Variants in TLL1 observed in about 807,000 individuals in gnomAD.
TLL1 encodes the protein tolloid like 1.
A neutral mutation model predicts 128.2 loss-of-function variants in TLL1; 49 were observed. The observed-to-expected ratio is 0.38, with a 90% CI of 0.30 to 0.48. The LOEUF is 0.48. Ranked by LOEUF, TLL1 falls within the 20% of genes least tolerant of loss-of-function variation. The pLI is 0.96. For missense variants in TLL1, 1,123 were observed against 1,242.0 expected (o/e 0.90, Z 1.44); for synonymous variants, 454 against 418.8 (o/e 1.08, Z -1.03).
chr4:165,959,776 A>T (rs1425514808), intron 1 of TLL1, among the ~76,000 whole-genome samples: 1 of 152,170 alleles, frequency 6.6e-6, no homozygotes, highest in Non-Finnish European at 1.5e-5. Context: ...AGAAATAAAA[A>T]AGTTATTTGA....
At chr4:165,929,613 T>C (rs975348386) in intron 1 of TLL1, among the ~76,000 whole-genome samples, 13 of 151,800 alleles carry the variant, frequency 8.6e-5, no homozygotes, top group African/African-American at 3.1e-4. Flanking sequence ...GAGAAGGGAG[T>C]TTAAGTGGAA....
At position 165,993,239 on chromosome 4, in the gene TLL1, G is replaced by T. The variant is rs192347545; in HGVS notation, c.361+355G>T. On this transcript the variant is annotated intron_variant, in intron 3 of 20. Coordinates refer to ENST00000061240, the MANE Select transcript of TLL1 (RefSeq NM_012464.5). ...AAAAAATATCATGGTTATTTGTTTT[G>T]AAATAAATCTACTTAAAGTAAAATG... Among the ~76,000 whole-genome samples the T allele has an allele frequency of 5.3e-5, 8 of 151,868 alleles. No homozygotes were observed. In the East Asian group the frequency reaches 1.5e-3, roughly 29 times the overall value.
chr4:165,986,351 G>A (rs558991899), intron 1 of TLL1, among the ~76,000 whole-genome samples: 7 of 151,992 alleles, frequency 4.6e-5, no homozygotes, highest in Admixed American at 3.3e-4. Context: ...GGCGAATTAC[G>A]GAAATCTTCA....
rs755225205 is a variant in TLL1 at position 166,099,399 on chromosome 4, T to C, written c.2779T>C (p.Ser927Pro). ...ATGGCTATTAGTATCAGAACGGGGC[T>C]CTCGACTTGAATTATCCTTCCAGAC... ...CEWLLVSERG[S>P]RLELSFQTFE... Residue 927 changes from serine (S) to proline (P), a missense_variant, in exon 20 of 21, where the codon TCT (serine) becomes CCT (proline). By Grantham distance (74) the Ser-to-Pro change is moderately conservative. Coordinates refer to ENST00000061240, the MANE Select transcript of TLL1 (RefSeq NM_012464.5). The C allele has an allele frequency of 1.2e-6, 2 of 1,613,578 alleles. No homozygotes were observed. Among genetic ancestry groups the C allele is most frequent in the South Asian group, 1.1e-5 (1 of 91,080 alleles).
At position 166,008,044 on chromosome 4, in the gene TLL1, T is replaced by C; in HGVS notation, c.913T>C (p.Ser305Pro). Residue 305 changes from serine (S) to proline (P), a missense_variant, in exon 7 of 21, where the codon TCA becomes CCA. Around this residue, in one of 3 missense-constraint regions of TLL1, gnomAD observed 480 missense variants for 542.4 expected, o/e 0.89. Coordinates refer to ENST00000061240, the MANE Select transcript of TLL1 (RefSeq NM_012464.5). ...SIMHYARNTF[S>P]RGMFLDTILP... ...CATGCACTATGCCAGGAACACCTTC[T>C]CAAGGTTGGAGTCTCAGGTTATACC... 1.2e-6 allele frequency: 2 copies of C among 1,608,088 alleles called. No homozygotes were observed. Among genetic ancestry groups the C allele is most frequent in the Non-Finnish European group, 1.7e-6 (2 of 1,175,450 alleles).
intron 1 of TLL1, among the ~76,000 whole-genome samples, chr4:165,939,462 G>A (rs1011379714): frequency 6.6e-6 from 1 of 152,046 alleles, no homozygotes; most frequent in Middle Eastern, 3.4e-3. Context: ...TTTATTCTAT[G>A]TAGCTTAATA....
chr4:166,070,705 G>T (rs928388150), intron 16 of TLL1, among the ~76,000 whole-genome samples: 1 of 151,902 alleles, frequency 6.6e-6, no homozygotes, highest in African/African-American at 2.4e-5. Flanking sequence ...ATTGCAATCT[G>T]TCTAGCTCTA....
At chr4:166,027,065 A>C (rs1293216952) in intron 9 of TLL1, among the ~76,000 whole-genome samples, 1 of 152,238 alleles carries the variant, frequency 6.6e-6, no homozygotes, top group Non-Finnish European at 1.5e-5. Flanking sequence ...GCCGTAAAAA[A>C]GAATGAACTC....
chr4:166,046,677 T>C (rs2111098999), intron 12 of TLL1, among the ~76,000 whole-genome samples: 1 of 152,322 alleles, frequency 6.6e-6, no homozygotes, highest in South Asian at 2.1e-4. Context: ...TGTCAGATTA[T>C]CTTCGTTCAG....
At chr4:165,956,401 C>T (rs955280285) in intron 1 of TLL1, among the ~76,000 whole-genome samples, 5 of 152,048 alleles carry the variant, frequency 3.3e-5, no homozygotes, top group Middle Eastern at 3.4e-3. Flanking sequence ...CCAGAGCGGC[C>T]GTTTATAGAC....
chr4:166,050,061 A>G (rs1739638742), intron 12 of TLL1, among the ~76,000 whole-genome samples: 1 of 152,208 alleles, frequency 6.6e-6, no homozygotes, highest in Admixed American at 6.6e-5. Flanking sequence ...CAAAATATAC[A>G]TAACATAAAA....
intron 1 of TLL1, among the ~76,000 whole-genome samples, chr4:165,972,217 G>A (rs894580464): frequency 6.6e-6 from 1 of 152,126 alleles, no homozygotes; most frequent in Non-Finnish European, 1.5e-5. Flanking sequence ...CCTGGGACAA[G>A]ACTCAATCTA....
chr4:165,995,210 G>GAA, intron 5 of TLL1, 32 bp downstream of exon 5: 5 of 1,361,682 alleles, frequency 3.7e-6, no homozygotes, highest in South Asian at 1.2e-5. Context: ...CTGACTTAAG[G>GAA]AAAAAAAAAA....
At chr4:165,905,143 A>G (rs1305635684) in intron 1 of TLL1, among the ~76,000 whole-genome samples, 1 of 152,210 alleles carries the variant, frequency 6.6e-6, no homozygotes, top group Non-Finnish European at 1.5e-5. Context: ...TTGGAAGACT[A>G]TTTGGCAATT....
At chr4:166,035,499 C>T (rs1171176055) in intron 9 of TLL1, among the ~76,000 whole-genome samples, 1 of 152,090 alleles carries the variant, frequency 6.6e-6, no homozygotes, top group Non-Finnish European at 1.5e-5. Flanking sequence ...GGTGACCTCC[C>T]GTTTACAGCA....
chr4:166,008,484 G>C lies in TLL1; in HGVS notation c.917+436G>C, dbSNP rs143837025. 4.7e-3 allele frequency among the ~76,000 whole-genome samples: 711 copies of C among 151,454 alleles called. 5 individuals are homozygous for C. The highest frequency in any genetic ancestry group is 0.016 in the African/African-American group (654 of 41,412). Reference sequence around the variant, plus strand: ...CTAGGCGACTTGTGCTTTATACTGTGTATTTTCTACTGCTCAAGTACAACT... The same window carrying C: ...CTAGGCGACTTGTGCTTTATACTGTCTATTTTCTACTGCTCAAGTACAACT... On this transcript the variant is annotated intron_variant, in intron 7 of 20. Coordinates refer to ENST00000061240, the MANE Select transcript of TLL1 (RefSeq NM_012464.5).
chr4:165,989,685 C>T (rs1433437251), intron 2 of TLL1, among the ~76,000 whole-genome samples, 194 bp downstream of exon 2: 1 of 144,048 alleles, frequency 6.9e-6, no homozygotes, highest in Non-Finnish European at 1.5e-5. Context: ...TTTTACCAAA[C>T]AGGTTGTAGT....
At chr4:166,071,009 C>T (rs529443895) in intron 16 of TLL1, among the ~76,000 whole-genome samples, 16 of 151,740 alleles carry the variant, frequency 1.1e-4, no homozygotes, top group Non-Finnish European at 1.5e-4. Flanking sequence ...TTGTAGCTCT[C>T]GTAGTGTTTA....
chr4:166,042,167 A>G (rs764827988), intron 11 of TLL1, 24 bp downstream of exon 11: 4 of 1,447,868 alleles, frequency 2.8e-6, no homozygotes, highest in Non-Finnish European at 2.9e-6. Context: ...AATTTTAGAG[A>G]GTAGTTCATC....
Sources: allele counts gnomAD v4.1 joint callset (sites outside exome capture counted in the v4.1 genomes callset), GRCh38; gene constraint gnomAD v4.1.1; regional missense constraint gnomAD v4.1.1; transcripts MANE v1.5; gene names NCBI Gene and HGNC (gene_info 2026-07-23, HGNC 2026-07-21).